STYX: variants seen among roughly 807,000 people sequenced by gnomAD.
STYX encodes serine/threonine/tyrosine-interacting protein.
Under a neutral mutation model 42.7 loss-of-function variants are expected in STYX, and 20 were observed. That is an observed-to-expected ratio of 0.47 (90% confidence interval 0.33 to 0.68). The LOEUF is 0.68. Among genes scored for constraint, STYX ranks in the 30% least tolerant of loss-of-function variants. The pLI is 0.02. For missense variants in STYX, 226 were observed against 268.5 expected, an observed-to-expected ratio of 0.84 and a Z score of 1.11; for synonymous variants, 78 against 81.9, an observed-to-expected ratio of 0.95 and a Z score of 0.26.
intron 4 of STYX, among the ~76,000 whole-genome samples, chr14:52,754,644 G>A (rs548564698): frequency 2.6e-5 from 4 of 152,050 alleles, no homozygotes; most frequent in South Asian, 2.1e-4. Context: ...CTTTTAAATC[G>A]TTCTCTGTTG....
chr14:52,738,667 T>G (rs961457906), intron 1 of STYX, among the ~76,000 whole-genome samples: 1 of 152,188 alleles, frequency 6.6e-6, no homozygotes, highest in Admixed American at 6.5e-5. Context: ...TTACTTTAAG[T>G]TGGAAACACT....
At chr14:52,731,216 T>G (rs1880687011) in intron 1 of STYX, among the ~76,000 whole-genome samples, 1 of 152,192 alleles carries the variant, frequency 6.6e-6, no homozygotes, top group Non-Finnish European at 1.5e-5. Context: ...AGTTTAACAT[T>G]TTACGGCATT....
chr14:52,750,928 A>C, intron 4 of STYX, 148 bp downstream of exon 4: 1 of 476,262 alleles, frequency 2.1e-6, no homozygotes, highest in South Asian at 4.1e-5. Flanking sequence ...AAAATACTTA[A>C]ATAAATTATG....
At chr14:52,738,267 C>T (rs1386687424) in intron 1 of STYX, among the ~76,000 whole-genome samples, 1 of 152,158 alleles carries the variant, frequency 6.6e-6, no homozygotes, top group Non-Finnish European at 1.5e-5. Flanking sequence ...CTGAAGAAGG[C>T]TTCTTATCTG....
Position 52,774,109 on chromosome 14 carries a change from T to C in STYX, c.*3003T>C, listed in dbSNP as rs1323012003. On this transcript the variant is annotated 3_prime_UTR_variant, in exon 11 of 11. Transcript: ENST00000354586. ...TGCAGTGACCTTTACTTGTATCTAC[T>C]CTGTGGTGGAAATGTTAAACCATGA... The C allele has an allele frequency of 6.6e-6, 1 of 152,206 alleles. No individual in the cohort carries two copies. Among genetic ancestry groups the C allele is most frequent in the Non-Finnish European group, 1.5e-5 (1 of 68,008 alleles). The allele number at this position is 152,206 out of a possible 1,614,324, so 9.4% of individuals were successfully genotyped here.
chr14:52,755,449 A>G (rs1054857411), intron 4 of STYX, among the ~76,000 whole-genome samples: 1 of 152,062 alleles, frequency 6.6e-6, no homozygotes, highest in Non-Finnish European at 1.5e-5. Flanking sequence ...AAAGTCCTGA[A>G]TTCTTTGAAG....
intron 9 of STYX, among the ~76,000 whole-genome samples, chr14:52,767,961 T>G (rs192961200): frequency 6.2e-4 from 95 of 152,306 alleles, no homozygotes; most frequent in African/African-American, 2.2e-3. Flanking sequence ...CTTACCATAC[T>G]TAAACAGCCT....
Position 52,730,376 on chromosome 14 carries a change from T to C in STYX, c.-99T>C. 2 of 1,284,828 alleles carry C rather than the reference T, an allele frequency of 1.6e-6. No homozygotes were observed. Among genetic ancestry groups the C allele is most frequent in the East Asian group, 2.5e-5 (1 of 40,606 alleles). The allele number at this position is 1,284,828 out of a possible 1,614,324, so 79.6% of individuals were successfully genotyped here. A position where few individuals can be genotyped will look rare whatever the true frequency, so the allele number is the denominator to read the frequency against. On this transcript the variant is annotated 5_prime_UTR_variant, in exon 1 of 11. Transcript: ENST00000354586. ...CGCCGCCCTCCTGTCAGCCCTCCGCTCCGCCGGCCCTCCTTCCTTCCGCCG... is the reference window on the plus strand; with the variant it reads ...CGCCGCCCTCCTGTCAGCCCTCCGCCCCGCCGGCCCTCCTTCCTTCCGCCG...
Position 52,772,353 on chromosome 14 carries a change from TG to T in STYX, c.*1248del, listed in dbSNP as rs1882543802. ...TTAAATTAGCATTTTAATCCATTCT[TG>T]ACATTCAGTTAGTCCAGATCTGCCC... On this transcript the variant is annotated 3_prime_UTR_variant, in exon 11 of 11. Coordinates refer to ENST00000354586, the MANE Select transcript of STYX (RefSeq NM_145251.4). 2 of 152,356 alleles carry T rather than the reference TG, an allele frequency of 1.3e-5. No homozygotes were observed. Among genetic ancestry groups the T allele is most frequent in the Non-Finnish European group, 2.9e-5 (2 of 67,996 alleles). 9.4% of individuals were successfully genotyped at this position (152,356 alleles called of 1,614,324 possible). A position where few individuals can be genotyped will look rare whatever the true frequency, so the allele number is the denominator to read the frequency against.
chr14:52,750,736 T>C lies in STYX; in HGVS notation c.198T>C (p.Asn66=). 6.3e-7 allele frequency: 1 copy of C among 1,595,372 alleles called. No homozygotes were observed. The highest frequency in any genetic ancestry group is 1.2e-5 in the South Asian group (1 of 86,642). The part of the protein sequence containing the change: ...GITHIICIRQ[N]IEANFIKPNF... ...CCCATATAATATGCATACGACAAAA[T>C]ATTGAAGCAAACTTTATTAAACCAA... Residue 66 remains asparagine (N), a synonymous_variant, in exon 4 of 11, where the codon AAT becomes AAC. Coordinates refer to ENST00000354586, the MANE Select transcript of STYX (RefSeq NM_145251.4).
chr14:52,733,480 C>A (rs576837533), intron 1 of STYX, among the ~76,000 whole-genome samples: 1 of 152,216 alleles, frequency 6.6e-6, no homozygotes, highest in East Asian at 1.9e-4. Flanking sequence ...ATGGCTCAGT[C>A]CCGCAAGGCT....
chr14:52,743,594 AT>A (rs1881280931), intron 1 of STYX, among the ~76,000 whole-genome samples: 1 of 152,190 alleles, frequency 6.6e-6, no homozygotes, highest in African/African-American at 2.4e-5. Context: ...AAATAAAAAA[AT>A]AAAAAAAATA....
At chr14:52,749,535 G>A (rs569736815) in intron 3 of STYX, among the ~76,000 whole-genome samples, 1 of 151,958 alleles carries the variant, frequency 6.6e-6, no homozygotes, top group East Asian at 1.9e-4. Context: ...GGTAATTATT[G>A]AACAACTTAA....
rs1237846313 is a variant in STYX, at chr14:52,773,431, G to A, written c.*2325G>A. 1 of 151,320 alleles carries A rather than the reference G, an allele frequency of 6.6e-6. No homozygotes were observed. The highest frequency in any genetic ancestry group is 1.5e-5 in the Non-Finnish European group (1 of 67,978). 9.4% of individuals were successfully genotyped at this position (151,320 alleles called of 1,614,324 possible). On this transcript the variant is annotated 3_prime_UTR_variant, in exon 11 of 11. Coordinates refer to ENST00000354586, the MANE Select transcript of STYX (RefSeq NM_145251.4). ...TGGCTCACTGCAACCTCCACCTCCT[G>A]GGTTCAAGTGATTTTCCTGCCTCAG...
chr14:52,736,878 T>A (rs1037300024), intron 1 of STYX, among the ~76,000 whole-genome samples: 2 of 152,190 alleles, frequency 1.3e-5, no homozygotes, highest in Non-Finnish European at 2.9e-5. Flanking sequence ...TTTATTTGAG[T>A]GAAACATTTT....
intron 10 of STYX, among the ~76,000 whole-genome samples, chr14:52,770,085 G>A (rs1459085066): frequency 6.6e-6 from 1 of 152,080 alleles, no homozygotes; most frequent in Non-Finnish European, 1.5e-5. Flanking sequence ...TCCTCAGGAA[G>A]ACATGATGAT....
At chr14:52,746,354 G>C in intron 2 of STYX, 72 bp from the exon 3 acceptor site, 1 of 1,150,254 alleles carries the variant, frequency 8.7e-7, no homozygotes, top group Non-Finnish European at 1.2e-6. Flanking sequence ...GCCAAATAAG[G>C]TTTGTCTTAT....
intron 4 of STYX, among the ~76,000 whole-genome samples, chr14:52,752,106 G>A (rs1044529293): frequency 3.3e-5 from 5 of 150,850 alleles, no homozygotes; most frequent in African/African-American, 1.2e-4. Flanking sequence ...GTTACAGTGA[G>A]CCGAGATCAC....
chr14:52,756,907 A>C (rs1172501067), intron 5 of STYX, among the ~76,000 whole-genome samples: 2 of 151,786 alleles, frequency 1.3e-5, no homozygotes, highest in African/African-American at 4.8e-5. Context: ...GGCTGGTCTC[A>C]AATTCTCGAC....
Sources: allele counts gnomAD v4.1 joint callset (sites outside exome capture counted in the v4.1 genomes callset), GRCh38; gene constraint gnomAD v4.1.1; transcripts MANE v1.5; gene names NCBI Gene and HGNC (gene_info 2026-07-23, HGNC 2026-07-21).